AKAP6: variants seen among roughly 807,000 people sequenced by gnomAD.
AKAP6 encodes the protein A-kinase anchor protein 6.
A neutral mutation model predicts 188.5 loss-of-function variants in AKAP6; 58 were observed. The observed-to-expected ratio is 0.31, with a 90% CI of 0.25 to 0.38. AKAP6 has a LOEUF of 0.38. Ranked by LOEUF, AKAP6 falls within the 10% of genes least tolerant of loss-of-function variation. The pLI is 1.00. For missense variants in AKAP6, 2,710 were observed against 2,740.0 expected, an observed-to-expected ratio of 0.99 and a Z score of 0.24; for synonymous variants, 989 against 998.6, an observed-to-expected ratio of 0.99 and a Z score of 0.18.
At position 32,824,122 on chromosome 14, in the gene AKAP6, G is replaced by C; in HGVS notation, c.6309G>C (p.Gln2103His). 6.2e-7 allele frequency: 1 copy of C among 1,613,938 alleles called. No homozygotes were observed. Among genetic ancestry groups the C allele is most frequent in the Non-Finnish European group, 8.5e-7 (1 of 1,179,942 alleles). ...TGGAGCATTCTCACCGGCCCATCCA[G>C]CTGAGAAAAGGGGACTTTTATTCGT... ...KVLEHSHRPI[Q>H]LRKGDFYSYL... The change falls in exon 13 of 14, where the codon CAG becomes CAC. Residue 2103 changes from glutamine to histidine, a missense_variant. Gln to His is a conservative substitution (Grantham distance 24). This residue lies in a region of AKAP6 where 2,473 missense variants were observed against 2,426.1 expected (regional missense o/e 1.02). Coordinates refer to ENST00000280979, the MANE Select transcript of AKAP6 (RefSeq NM_004274.5).
intron 2 of AKAP6, among the ~76,000 whole-genome samples, chr14:32,516,884 A>G (rs1881550261): frequency 6.6e-6 from 1 of 152,230 alleles, no homozygotes; most frequent in Non-Finnish European, 1.5e-5. Context: ...CCATTAAAGG[A>G]AACCAAGCCT....
At chr14:32,558,115 TA>T (rs1883770629) in intron 4 of AKAP6, among the ~76,000 whole-genome samples, 1 of 152,182 alleles carries the variant, frequency 6.6e-6, no homozygotes, top group Non-Finnish European at 1.5e-5. Flanking sequence ...GCCAGATTCT[TA>T]AAGAATTGGG....
intron 7 of AKAP6, among the ~76,000 whole-genome samples, chr14:32,663,570 G>C (rs998485351): frequency 5.9e-5 from 9 of 152,054 alleles, no homozygotes; most frequent in African/African-American, 9.7e-5. Context: ...GCATATATAG[G>C]TGCTAGCCAC....
intron 12 of AKAP6, among the ~76,000 whole-genome samples, chr14:32,782,290 A>G (rs543060449): frequency 6.6e-6 from 1 of 151,308 alleles, no homozygotes; most frequent in Non-Finnish European, 1.5e-5. Flanking sequence ...GCTAAGAAAC[A>G]GTTAACATCA....
At chr14:32,742,715 A>G (rs898851730) in intron 11 of AKAP6, among the ~76,000 whole-genome samples, 3 of 151,942 alleles carry the variant, frequency 2.0e-5, no homozygotes, top group Admixed American at 6.6e-5. Flanking sequence ...GTTTTATTCC[A>G]TTATGGTCAG....
chr14:32,688,182 G>A (rs1890016106), intron 8 of AKAP6, among the ~76,000 whole-genome samples: 1 of 151,488 alleles, frequency 6.6e-6, no homozygotes, highest in African/African-American at 2.4e-5. Context: ...CGTCTTTCAT[G>A]ATAACAATGA....
At chr14:32,806,299 A>G (rs932760639) in intron 12 of AKAP6, among the ~76,000 whole-genome samples, 4 of 152,206 alleles carry the variant, frequency 2.6e-5, no homozygotes, top group African/African-American at 9.7e-5. Flanking sequence ...ACAAAACTAA[A>G]TACAAAACTG....
At chr14:32,536,085 T>C (rs975653002) in intron 3 of AKAP6, among the ~76,000 whole-genome samples, 2 of 152,240 alleles carry the variant, frequency 1.3e-5, no homozygotes, top group African/African-American at 4.8e-5. Context: ...TAAATATGTA[T>C]TGAGTACTTA....
At chr14:32,697,080 T>C (rs57784384) in intron 9 of AKAP6, among the ~76,000 whole-genome samples, 1,839 of 152,304 alleles carry the variant, frequency 0.012, 35 homozygotes, top group African/African-American at 0.042. Flanking sequence ...AAATTTCTTA[T>C]AGAATAAGAA....
intron 7 of AKAP6, among the ~76,000 whole-genome samples, chr14:32,671,351 A>G (rs1333135494): frequency 3.3e-5 from 5 of 152,198 alleles, no homozygotes; most frequent in Non-Finnish European, 7.4e-5. Flanking sequence ...GGGTGTGTTC[A>G]AGAGAGAAAG....
chr14:32,827,869 C>T (rs2034713287), intron 13 of AKAP6, among the ~76,000 whole-genome samples: 1 of 152,092 alleles, frequency 6.6e-6, no homozygotes, highest in Non-Finnish European at 1.5e-5. Context: ...GGATAAATCC[C>T]GTGGTATAAA....
chr14:32,355,786 T>TTTTC lies in AKAP6; in HGVS notation c.-35+26381_-35+26382insCTTT, dbSNP rs1566460967. On this transcript the variant is annotated intron_variant, in intron 1 of 13. Transcript: ENST00000280979. ...GATTTCTTTTCTTTTCTTTTCTTTT[T>TTTTC]TTTTTTGAGACAAGTTCTTGCTCTG... Among the ~76,000 whole-genome samples the TTTTC allele has an allele frequency of 2.7e-5, 4 of 148,584 alleles. No homozygotes were observed. In the East Asian group the frequency reaches 5.9e-4, roughly 22 times the overall value.
intron 11 of AKAP6, among the ~76,000 whole-genome samples, chr14:32,751,175 C>G (rs1343479229): frequency 1.3e-5 from 2 of 151,356 alleles, no homozygotes; most frequent in African/African-American, 2.4e-5. Flanking sequence ...TTTTTCATAT[C>G]ACAACTTTCC....
In AKAP6 at chr14:32,769,037, A is replaced by ATTTTTTTTTTTTTTTTTTTTTTTTTTTTT. The variant is rs544997334; in HGVS notation, c.3373-4614_3373-4613insTTTTTTTTTTTTTTTTTTTTTTTTTTTTT. 5.3e-5 allele frequency among the ~76,000 whole-genome samples: 3 copies of ATTTTTTTTTTTTTTTTTTTTTTTTTTTTT among 56,922 alleles called. 1 individual carries two copies. The highest frequency in any genetic ancestry group is 1.4e-4 in the African/African-American group (2 of 14,052). The allele number at this position is 56,922 out of a possible 152,430, so 37.3% of individuals were successfully genotyped here. On this transcript the variant is annotated intron_variant, in intron 11 of 13. Coordinates refer to ENST00000280979, the MANE Select transcript of AKAP6 (RefSeq NM_004274.5). ...ACTAGGGGATGCAGCTGCTCTTTTG[A>ATTTTTTTTTTTTTTTTTTTTTTTTTTTTT]TTTTTTTTTTTTTTTTTTTTTTTTT...
intron 12 of AKAP6, among the ~76,000 whole-genome samples, chr14:32,813,844 A>C (rs2034310976): frequency 6.6e-6 from 1 of 150,728 alleles, no homozygotes; most frequent in Non-Finnish European, 1.5e-5. Context: ...CTTATTCTTC[A>C]CACACAAAAT....
intron 5 of AKAP6, among the ~76,000 whole-genome samples, chr14:32,591,135 G>C (rs1413317569): frequency 2.0e-5 from 3 of 152,084 alleles, no homozygotes; most frequent in African/African-American, 7.2e-5. Flanking sequence ...CATCTGTAGG[G>C]GCTGCTGCAC....
intron 2 of AKAP6, among the ~76,000 whole-genome samples, chr14:32,460,791 A>G (rs1317875035): frequency 1.5e-4 from 23 of 152,212 alleles, no homozygotes; most frequent in Non-Finnish European, 5.9e-5. Context: ...CCCCACTCCC[A>G]TGGAGCCCAG....
chr14:32,595,445 C>A (rs1230660392), intron 5 of AKAP6, among the ~76,000 whole-genome samples: 1 of 152,144 alleles, frequency 6.6e-6, no homozygotes, highest in East Asian at 1.9e-4. Flanking sequence ...GAACCTGGAT[C>A]CCAGCATGGG....
intron 7 of AKAP6, among the ~76,000 whole-genome samples, chr14:32,671,605 G>C (rs1263604867): frequency 6.6e-6 from 1 of 151,940 alleles, no homozygotes; most frequent in Non-Finnish European, 1.5e-5. Context: ...CAATTTTGGG[G>C]GGTGATCATC....
Sources: allele counts gnomAD v4.1 joint callset (sites outside exome capture counted in the v4.1 genomes callset), GRCh38; gene constraint gnomAD v4.1.1; regional missense constraint gnomAD v4.1.1; transcripts MANE v1.5; gene names NCBI Gene and HGNC (gene_info 2026-07-23, HGNC 2026-07-21).